Variants in SMG6 observed in about 807,000 individuals in gnomAD.
SMG6 encodes the protein SMG6 nonsense mediated mRNA decay factor.
A neutral mutation model predicts 142.2 loss-of-function variants in SMG6; 66 were observed. The ratio of observed to expected loss-of-function variants is 0.46; its 90% CI spans 0.38 to 0.57. The LOEUF (loss-of-function observed/expected upper bound fraction) is 0.57. SMG6 is among the 20% of genes least tolerant of loss of function. SMG6 has a pLI of 0.00. For missense variants in SMG6, 1,793 were observed against 1,832.0 expected, an observed-to-expected ratio of 0.98 and a Z score of 0.39; for synonymous variants, 779 against 702.4, an observed-to-expected ratio of 1.11 and a Z score of -1.72.
intron 13 of SMG6, among the ~76,000 whole-genome samples, chr17:2,144,680 C>T (rs2070605713): frequency 6.6e-6 from 1 of 152,076 alleles, no homozygotes; most frequent in African/African-American, 2.4e-5. Context: ...GCGGGTTACC[C>T]TGGGACACTG....
chr17:2,120,390 T>C (rs1276003124), intron 13 of SMG6, among the ~76,000 whole-genome samples: 1 of 152,164 alleles, frequency 6.6e-6, no homozygotes. Flanking sequence ...GAAAAGATCC[T>C]TCATAAGGAA....
At chr17:2,267,695 A>G (rs1043471449) in intron 8 of SMG6, among the ~76,000 whole-genome samples, 3 of 151,614 alleles carry the variant, frequency 2.0e-5, no homozygotes, top group Non-Finnish European at 4.4e-5. Flanking sequence ...CCAGGCCAAA[A>G]GCTTTCTTTT....
intron 13 of SMG6, among the ~76,000 whole-genome samples, chr17:2,124,636 T>A (rs2151527782): frequency 6.6e-6 from 1 of 152,284 alleles, no homozygotes; most frequent in Middle Eastern, 3.4e-3. Flanking sequence ...GTTTCCTGTT[T>A]ACTCTGAGAC....
chr17:2,087,604 G>A, intron 13 of SMG6: 1 of 999,020 alleles, frequency 1.0e-6, no homozygotes, highest in Non-Finnish European at 1.2e-6. Context: ...TGGGGTGCCT[G>A]GTCCTGGGCT....
chr17:2,180,037 T>A (rs1168975941), intron 12 of SMG6, among the ~76,000 whole-genome samples: 1 of 152,192 alleles, frequency 6.6e-6, no homozygotes, highest in Non-Finnish European at 1.5e-5. Flanking sequence ...GAGACTGAAA[T>A]GAGGTAGGCT....
At chr17:2,250,392 CT>C (rs370155077) in intron 8 of SMG6, among the ~76,000 whole-genome samples, 157 of 146,496 alleles carry the variant, frequency 1.1e-3, no homozygotes, top group African/African-American at 1.0e-3. Context: ...TTTATATACA[CT>C]TTTTTTTTTT....
intron 13 of SMG6, among the ~76,000 whole-genome samples, chr17:2,135,494 A>G (rs2070265114): frequency 1.3e-5 from 2 of 152,110 alleles, no homozygotes; most frequent in South Asian, 4.1e-4. Context: ...CCCCAATCTT[A>G]AAAACTGAGT....
At chr17:2,287,806 A>T (rs753610046) in intron 6 of SMG6, among the ~76,000 whole-genome samples, 1 of 152,246 alleles carries the variant, frequency 6.6e-6, no homozygotes, top group Non-Finnish European at 1.5e-5. Flanking sequence ...CAAGAGGACA[A>T]ATACTGTATA....
intron 6 of SMG6, among the ~76,000 whole-genome samples, chr17:2,284,042 T>C (rs533164512): frequency 6.6e-6 from 1 of 152,350 alleles, no homozygotes; most frequent in African/African-American, 2.4e-5. Context: ...AGAAAAAGCA[T>C]GATGTTCAAT....
At chr17:2,231,111 G>A (rs545006204) in intron 10 of SMG6, among the ~76,000 whole-genome samples, 91 of 152,222 alleles carry the variant, frequency 6.0e-4, no homozygotes, top group Non-Finnish European at 1.1e-3. Flanking sequence ...CATACATTCT[G>A]CTTGGGTAAG....
intron 8 of SMG6, among the ~76,000 whole-genome samples, chr17:2,267,671 C>G (rs933530249): frequency 6.6e-6 from 1 of 152,008 alleles, no homozygotes; most frequent in African/African-American, 2.4e-5. Context: ...AGTGCTTGTG[C>G]TATCCAGAGA....
At chr17:2,248,817 T>C (rs1003597299) in intron 8 of SMG6, among the ~76,000 whole-genome samples, 6 of 151,942 alleles carry the variant, frequency 3.9e-5, no homozygotes, top group Admixed American at 2.0e-4. Context: ...TACATATTGA[T>C]CAAATCGGAC....
chr17:2,121,291 G>A (rs1484874827), intron 13 of SMG6, among the ~76,000 whole-genome samples: 1 of 152,076 alleles, frequency 6.6e-6, no homozygotes, highest in Non-Finnish European at 1.5e-5. Context: ...TTCATAAAAT[G>A]GAATACTACT....
chr17:2,206,570 T>C (rs2072688196), intron 10 of SMG6, among the ~76,000 whole-genome samples: 1 of 150,714 alleles, frequency 6.6e-6, no homozygotes, highest in Admixed American at 6.6e-5. Flanking sequence ...CAAAGCAAGA[T>C]CTTGTCTCTA....
chr17:2,274,503 A>G (rs2074606574), intron 8 of SMG6, among the ~76,000 whole-genome samples: 1 of 152,224 alleles, frequency 6.6e-6, no homozygotes, highest in Non-Finnish European at 1.5e-5. Flanking sequence ...GAGAGAGAAC[A>G]AGGTAAACAA....
At chr17:2,211,666 T>TAAA (rs58516730) in intron 10 of SMG6, among the ~76,000 whole-genome samples, 2,602 of 135,122 alleles carry the variant, frequency 0.019, 49 homozygotes, top group African/African-American at 0.032. Flanking sequence ...TCCATCTAAT[T>TAAA]AAAAAAAAAA....
rs184714602 is a variant in SMG6 at position 2,083,147 on chromosome 17, G to C, written c.3535-1191C>G. 9.1e-4 allele frequency among the ~76,000 whole-genome samples: 138 copies of C among 152,274 alleles called. 2 individuals carry two copies. Among genetic ancestry groups the C allele is most frequent in the South Asian group, 2.9e-3 (14 of 4,818 alleles). On this transcript the variant is annotated intron_variant, in intron 14 of 18. Coordinates refer to ENST00000263073, the MANE Select transcript of SMG6 (RefSeq NM_017575.5). Reference sequence around the variant, plus strand: ...AATAAGCTAAGCCATCCTGAATCCAGACCAGAAGCTCAGATCCAGCCCTCA... The same window carrying C: ...AATAAGCTAAGCCATCCTGAATCCACACCAGAAGCTCAGATCCAGCCCTCA...
chr17:2,125,188 GAGA>G (rs2069832373), intron 13 of SMG6, among the ~76,000 whole-genome samples: 1 of 152,128 alleles, frequency 6.6e-6, no homozygotes, highest in African/African-American at 2.4e-5. Context: ...AGGGAAAATA[GAGA>G]AGGAGACAGG....
At chr17:2,203,414 T>A (rs2072590268) in intron 10 of SMG6, among the ~76,000 whole-genome samples, 1 of 151,898 alleles carries the variant, frequency 6.6e-6, no homozygotes. Flanking sequence ...TTTGGAAGAG[T>A]TACAAGCAGA....
Sources: allele counts gnomAD v4.1 joint callset (sites outside exome capture counted in the v4.1 genomes callset), GRCh38; gene constraint gnomAD v4.1.1; transcripts MANE v1.5; gene names NCBI Gene and HGNC (gene_info 2026-07-23, HGNC 2026-07-21).